CNTLN: variants seen among roughly 807,000 people sequenced by gnomAD.
The protein encoded by CNTLN is centlein, centrosomal protein.
Under a neutral mutation model 180.0 loss-of-function variants are expected in CNTLN, and 212 were observed. The observed-to-expected ratio is 1.18, with a 90% CI of 1.05 to 1.32. The LOEUF (loss-of-function observed/expected upper bound fraction) is 1.32. CNTLN is among the 40% of genes most tolerant of loss of function. The probability of loss-of-function intolerance (pLI) is 0.00; values close to 1 mark genes in which losing one functional copy is unlikely to be tolerated. For synonymous variants in CNTLN, 722 were observed against 563.1 expected, an observed-to-expected ratio of 1.28 and a Z score of -3.99; for missense variants, 2,095 against 1,610.9, an observed-to-expected ratio of 1.30 and a Z score of -5.14.
At chr9:17,413,914 A>G (rs926273595) in intron 16 of CNTLN, among the ~76,000 whole-genome samples, 20 of 152,212 alleles carry the variant, frequency 1.3e-4, no homozygotes, top group Non-Finnish European at 2.8e-4. Flanking sequence ...TACATGAATG[A>G]TCATAGAACC....
chr9:17,246,211 G>T (rs1825788017), intron 5 of CNTLN, among the ~76,000 whole-genome samples: 1 of 152,094 alleles, frequency 6.6e-6, no homozygotes, highest in Admixed American at 6.6e-5. Flanking sequence ...AAGGGACTTG[G>T]ATGTTGTGAT....
the CNTLN span, among the ~76,000 whole-genome samples, chr9:17,526,270 A>G: frequency 6.6e-6 from 1 of 152,224 alleles, no homozygotes; most frequent in Admixed American, 6.5e-5. Flanking sequence ...CCTACTCAAA[A>G]TAGCCAAAAT....
chr9:17,160,534 G>T (rs1024479478), intron 2 of CNTLN, among the ~76,000 whole-genome samples: 19 of 152,122 alleles, frequency 1.2e-4, no homozygotes, highest in African/African-American at 4.6e-4. Flanking sequence ...CTCTTTTGCA[G>T]TGTCACTCAA....
chr9:17,519,048 G>A, the CNTLN span, among the ~76,000 whole-genome samples: 1 of 147,896 alleles, frequency 6.8e-6, no homozygotes, highest in Admixed American at 6.6e-5. Context: ...TCAGCCCCCT[G>A]AGTAGCTGGG....
intron 15 of CNTLN, among the ~76,000 whole-genome samples, chr9:17,404,963 C>T (rs914621778): frequency 1.3e-5 from 2 of 151,664 alleles, no homozygotes; most frequent in African/African-American, 2.4e-5. Context: ...GTCTTGAACT[C>T]CTGACGTCAG....
intron 5 of CNTLN, among the ~76,000 whole-genome samples, chr9:17,244,576 C>T (rs567644958): frequency 4.1e-4 from 63 of 152,076 alleles, no homozygotes; most frequent in Middle Eastern, 3.4e-3. Flanking sequence ...AATATATATA[C>T]GTGGAGAGTT....
At chr9:17,141,045 A>G (rs1231461896) in intron 1 of CNTLN, among the ~76,000 whole-genome samples, 4 of 152,208 alleles carry the variant, frequency 2.6e-5, no homozygotes, top group African/African-American at 9.6e-5. Flanking sequence ...GAATATTTCT[A>G]ACAATGGGTA....
intron 19 of CNTLN, among the ~76,000 whole-genome samples, chr9:17,461,755 A>G (rs192406939): frequency 8.0e-4 from 122 of 151,614 alleles, no homozygotes; most frequent in African/African-American, 2.7e-3. Flanking sequence ...ATTTTATTAT[A>G]TTTATATTCA....
rs1292066290 is a variant in CNTLN, at chr9:17,415,864, C to G, written c.2873C>G (p.Thr958Arg). ...TGCAAGATGCAAAAGAGTTCACATA[C>G]AGCAGTTCCTACTAGAGGTAAGAAT... ...KNCKMQKSSH[T>R]AVPTRVNREK... Residue 958 changes from threonine (T) to arginine (R), a missense_variant, in exon 17 of 26, where the codon ACA (threonine) becomes AGA (arginine). Coordinates refer to ENST00000380647, the MANE Select transcript of CNTLN (RefSeq NM_017738.4). 1 of 1,611,604 alleles carries G rather than the reference C, an allele frequency of 6.2e-7. No homozygotes were observed. The highest frequency in any genetic ancestry group is 8.5e-7 in the Non-Finnish European group (1 of 1,178,754).
chr9:17,510,700 T>G, the CNTLN span, among the ~76,000 whole-genome samples: 1 of 152,208 alleles, frequency 6.6e-6, no homozygotes. Flanking sequence ...CTGCAGATTT[T>G]GGACTTGCTA....
At chr9:17,489,430 T>C (rs1009866523) in intron 25 of CNTLN, among the ~76,000 whole-genome samples, 15 of 152,202 alleles carry the variant, frequency 9.9e-5, no homozygotes, top group African/African-American at 2.6e-4. Context: ...TTGATAAAAT[T>C]ATTGGAAAAC....
chr9:17,276,753 C>T (rs1488820413), intron 6 of CNTLN, among the ~76,000 whole-genome samples: 1 of 152,052 alleles, frequency 6.6e-6, no homozygotes, highest in Non-Finnish European at 1.5e-5. Context: ...GTGCATCCTC[C>T]TGTATACTTC....
Position 17,466,709 on chromosome 9 carries a change from C to T in CNTLN, c.3673C>T (p.Leu1225Phe). The part of the protein sequence containing the change: ...KSKEELEKKD[L>F]KLTLLVSRIS... ...TATGACTGCTGATCTTTTGCAGGAT[C>T]TCAAGCTTACTCTCCTAGTATCAAG... Residue 1225 changes from leucine (L) to phenylalanine (F), a missense_variant, in exon 23 of 26, where the codon CTC (leucine) becomes TTC (phenylalanine). Leu to Phe is a conservative substitution (Grantham distance 22). Transcript: ENST00000380647. The T allele has an allele frequency of 6.2e-7, 1 of 1,606,834 alleles. No individual in the cohort carries two copies. The highest frequency in any genetic ancestry group is 8.5e-7 in the Non-Finnish European group (1 of 1,176,010).
chr9:17,166,001 A>C (rs980302413), intron 2 of CNTLN, among the ~76,000 whole-genome samples: 1 of 152,244 alleles, frequency 6.6e-6, no homozygotes, highest in African/African-American at 2.4e-5. Flanking sequence ...TTAGTTCCTC[A>C]TTCTTAAATA....
At position 17,252,941 on chromosome 9, in the gene CNTLN, G is replaced by A. The variant is rs186447135; in HGVS notation, c.849+16353G>A. ...TTAATCCATCTTAAGTTTATTTGTT[G>A]TATGGTGAGAGATGTGTCCAGTTTC... On this transcript the variant is annotated intron_variant, in intron 5 of 25. Coordinates refer to ENST00000380647, the MANE Select transcript of CNTLN (RefSeq NM_017738.4). Among the ~76,000 whole-genome samples the A allele has an allele frequency of 2.1e-3, 318 of 151,552 alleles. 1 individual carries two copies. The highest frequency in any genetic ancestry group is 7.3e-3 in the African/African-American group (302 of 41,452).
intron 6 of CNTLN, among the ~76,000 whole-genome samples, chr9:17,277,103 GA>G (rs1828362720): frequency 1.3e-5 from 1 of 75,662 alleles, no homozygotes; most frequent in Non-Finnish European, 2.8e-5. Flanking sequence ...TTCCTTCTTT[GA>G]AGTTCATAGT....
intron 6 of CNTLN, among the ~76,000 whole-genome samples, chr9:17,274,405 A>G (rs914821444): frequency 2.0e-5 from 3 of 152,014 alleles, no homozygotes; most frequent in African/African-American, 7.2e-5. Flanking sequence ...AGAAAATAGT[A>G]TGAGAGAGAA....
At chr9:17,313,486 G>C (rs1819344949) in intron 8 of CNTLN, among the ~76,000 whole-genome samples, 1 of 151,770 alleles carries the variant, frequency 6.6e-6, no homozygotes, top group South Asian at 2.1e-4. Context: ...TAATTCAGTG[G>C]AACTCATTTC....
At chr9:17,260,013 G>A (rs1396658745) in intron 5 of CNTLN, among the ~76,000 whole-genome samples, 4 of 141,722 alleles carry the variant, frequency 2.8e-5, no homozygotes, top group Non-Finnish European at 4.5e-5. Flanking sequence ...CTTGCCTTCC[G>A]CTAGCTTTTG....
Sources: allele counts gnomAD v4.1 joint callset (sites outside exome capture counted in the v4.1 genomes callset), GRCh38; gene constraint gnomAD v4.1.1; transcripts MANE v1.5; gene names NCBI Gene and HGNC (gene_info 2026-07-23, HGNC 2026-07-21).